Variants in PAX5 observed in about 807,000 individuals in gnomAD.
The protein encoded by PAX5 is paired box 5, also known as paired box protein Pax-5.
A neutral mutation model predicts 43.7 loss-of-function variants in PAX5; 9 were observed. That is an observed-to-expected ratio of 0.21 (90% CI 0.12 to 0.36). The LOEUF (loss-of-function observed/expected upper bound fraction) is 0.36. PAX5 is among the 10% of genes least tolerant of loss of function. The pLI, the probability that PAX5 is intolerant of heterozygous loss-of-function variation, is 1.00. For missense variants in PAX5, 383 were observed against 532.7 expected (o/e 0.72, Z 2.77); for synonymous variants, 228 against 214.3 (o/e 1.06, Z -0.56).
At chr9:36,951,252 T>C (rs926886791) in intron 6 of PAX5, among the ~76,000 whole-genome samples, 1 of 152,240 alleles carries the variant, frequency 6.6e-6, no homozygotes, top group Non-Finnish European at 1.5e-5. Context: ...TTAATTATGT[T>C]GTGCAAAACT....
chr9:36,978,902 A>G (rs1160059590), intron 5 of PAX5, among the ~76,000 whole-genome samples: 1 of 152,174 alleles, frequency 6.6e-6, no homozygotes, highest in East Asian at 1.9e-4. Flanking sequence ...TCCCCATAAG[A>G]TGGTCCCCGA....
chr9:36,969,769 G>A (rs1049426715), intron 5 of PAX5, among the ~76,000 whole-genome samples: 14 of 152,260 alleles, frequency 9.2e-5, no homozygotes, highest in Admixed American at 3.3e-4. Flanking sequence ...GACTGCCCTC[G>A]AAGGGCTGCG....
At chr9:37,027,114 T>G (rs1840465839) in intron 1 of PAX5, among the ~76,000 whole-genome samples, 1 of 152,106 alleles carries the variant, frequency 6.6e-6, no homozygotes, top group Non-Finnish European at 1.5e-5. Flanking sequence ...CTTCTCCGAG[T>G]CTCTGGGGCT....
intron 8 of PAX5, among the ~76,000 whole-genome samples, chr9:36,864,470 G>A (rs533488740): frequency 6.6e-6 from 1 of 152,372 alleles, no homozygotes; most frequent in East Asian, 1.9e-4. Flanking sequence ...CCTTGTGGAT[G>A]TGCAGGTGGG....
intron 6 of PAX5, among the ~76,000 whole-genome samples, chr9:36,950,116 C>T (rs901229750): frequency 6.6e-6 from 1 of 152,208 alleles, no homozygotes; most frequent in Admixed American, 6.5e-5. Context: ...TGCATGCTCT[C>T]ATCCTGATGA....
chr9:36,923,754 C>T (rs1014439251), intron 6 of PAX5, among the ~76,000 whole-genome samples: 2 of 152,198 alleles, frequency 1.3e-5, no homozygotes, highest in Non-Finnish European at 2.9e-5. Flanking sequence ...CTCCCTCTGG[C>T]CTGCATGTTG....
intron 1 of PAX5, chr9:37,026,615 T>A (rs957702185): frequency 7.4e-7 from 1 of 1,351,046 alleles, no homozygotes; most frequent in African/African-American, 1.5e-5. Context: ...CGCCGCCGCC[T>A]CCCGGCGCCA....
At chr9:36,914,449 A>G (rs1383502739) in intron 7 of PAX5, among the ~76,000 whole-genome samples, 1 of 152,172 alleles carries the variant, frequency 6.6e-6, no homozygotes, top group African/African-American at 2.4e-5. Flanking sequence ...GGGCTGTTGC[A>G]TTCACTGTGA....
intron 6 of PAX5, chr9:36,930,826 CA>C: frequency 7.7e-7 from 1 of 1,302,756 alleles, no homozygotes; most frequent in Non-Finnish European, 1.0e-6. Context: ...GCAAGGGACT[CA>C]AGGAGGCACG....
chr9:36,842,755 C>T (rs150226689), intron 9 of PAX5, among the ~76,000 whole-genome samples: 1 of 152,324 alleles, frequency 6.6e-6, no homozygotes, highest in Non-Finnish European at 1.5e-5. Context: ...TAATTGACCG[C>T]AGCCGGCCTT....
intron 5 of PAX5, among the ~76,000 whole-genome samples, chr9:36,983,200 T>C (rs1245319001): frequency 6.6e-6 from 1 of 152,204 alleles, no homozygotes; most frequent in Non-Finnish European, 1.5e-5. Flanking sequence ...ACAACCAACA[T>C]ATACATTGAG....
chr9:36,889,105 A>C (rs1212681883), intron 7 of PAX5, among the ~76,000 whole-genome samples: 1 of 152,254 alleles, frequency 6.6e-6, no homozygotes, highest in Non-Finnish European at 1.5e-5. Context: ...CTCATGGAGA[A>C]GTGAGGTCTA....
chr9:37,008,364 C>T (rs1838644100), intron 3 of PAX5, among the ~76,000 whole-genome samples: 1 of 152,222 alleles, frequency 6.6e-6, no homozygotes, highest in South Asian at 2.1e-4. Flanking sequence ...TCCATGTATA[C>T]AGTTTTGCAG....
intron 2 of PAX5, among the ~76,000 whole-genome samples, chr9:37,019,308 C>G (rs777754142): frequency 6.6e-6 from 1 of 152,152 alleles, no homozygotes; most frequent in Non-Finnish European, 1.5e-5. Flanking sequence ...ACAAGAAAAC[C>G]ATGTTAATGT....
At chr9:37,027,602 C>G (rs1192117750) in intron 1 of PAX5, among the ~76,000 whole-genome samples, 1 of 152,186 alleles carries the variant, frequency 6.6e-6, no homozygotes. Context: ...TGACTGCCTG[C>G]GTTGCCGCCG....
At chr9:36,989,037 C>T (rs1836707119) in intron 5 of PAX5, among the ~76,000 whole-genome samples, 2 of 152,130 alleles carry the variant, frequency 1.3e-5, no homozygotes, top group African/African-American at 4.8e-5. Context: ...GCTTAAAACC[C>T]ACATGTGACC....
In PAX5 at chr9:36,910,211, G is replaced by A. The variant is rs567935693; in HGVS notation, c.910+13144C>T. Among the ~76,000 whole-genome samples, 15 of 152,322 alleles carry A rather than the reference G, an allele frequency of 9.8e-5. No individual in the cohort carries two copies. In the South Asian group the frequency reaches 1.5e-3, roughly 15 times the overall value. ...TCCCCACACCCTCTGCCTAAACATG[G>A]TTAAGTCCTGAGTACCCTTCCAGAG... On this transcript the variant is annotated intron_variant, in intron 7 of 9. Transcript: ENST00000358127.
intron 7 of PAX5, among the ~76,000 whole-genome samples, chr9:36,914,829 T>G (rs1281219476): frequency 6.6e-6 from 1 of 152,268 alleles, no homozygotes; most frequent in East Asian, 1.9e-4. Context: ...ATCTGATGTG[T>G]GTGTGTGCAC....
chr9:37,020,395 C>G (rs998079889), intron 2 of PAX5, among the ~76,000 whole-genome samples: 1 of 152,140 alleles, frequency 6.6e-6, no homozygotes, highest in Non-Finnish European at 1.5e-5. Context: ...GAACAATTCA[C>G]CAGGCTTTCA....
Sources: allele counts gnomAD v4.1 joint callset (sites outside exome capture counted in the v4.1 genomes callset), GRCh38; gene constraint gnomAD v4.1.1; transcripts MANE v1.5; gene names NCBI Gene and HGNC (gene_info 2026-07-23, HGNC 2026-07-21).